ATR: variants seen among roughly 807,000 people sequenced by gnomAD.
The protein encoded by ATR is ATR checkpoint kinase.
A neutral mutation model predicts 305.3 loss-of-function variants in ATR; 142 were observed. The observed-to-expected ratio is 0.47, with a 90% CI of 0.41 to 0.53. The LOEUF (loss-of-function observed/expected upper bound fraction) is 0.53, where lower values mean the gene tolerates loss of function less well. ATR is among the 20% of genes least tolerant of loss of function. ATR has a pLI of 0.00. For synonymous variants in ATR, 1,050 were observed against 1,068.1 expected (o/e 0.98, Z 0.33); for missense variants, 2,135 against 3,133.1 (o/e 0.68, Z 7.60).
intron 8 of ATR, 120 bp from the exon 9 acceptor site, chr3:142,556,695 A>G (rs2034686965): frequency 1.1e-6 from 1 of 943,856 alleles, no homozygotes; most frequent in Non-Finnish European, 1.6e-6. Flanking sequence ...AAAGTCAAGT[A>G]ACACTTAAAA....
intron 16 of ATR, 139 bp from the exon 17 acceptor site, chr3:142,542,896 GT>G: frequency 1.4e-6 from 1 of 722,710 alleles, no homozygotes; most frequent in Non-Finnish European, 2.3e-6. Flanking sequence ...GGTTAATTAA[GT>G]TTCTCCAAAA....
At chr3:142,468,459 CAAT>C (rs1233563289) in intron 38 of ATR, among the ~76,000 whole-genome samples, 18 of 151,754 alleles carry the variant, frequency 1.2e-4, no homozygotes, top group African/African-American at 4.1e-4. Flanking sequence ...AACATGGAAA[CAAT>C]AAAGTGAAAA....
intron 27 of ATR, among the ~76,000 whole-genome samples, chr3:142,511,827 A>C (rs1320418983): frequency 6.6e-6 from 1 of 152,004 alleles, no homozygotes; most frequent in African/African-American, 2.4e-5. Context: ...AAAAATACAC[A>C]AAACAGCTGG....
At chr3:142,555,217 C>T in intron 10 of ATR, among the ~76,000 whole-genome samples, 1 of 147,252 alleles carries the variant, frequency 6.8e-6, no homozygotes, top group Non-Finnish European at 1.5e-5. Flanking sequence ...GCCTGGGCAA[C>T]AAGAGCAAAA....
intron 46 of ATR, chr3:142,450,221 C>A: frequency 1.8e-6 from 1 of 564,938 alleles, no homozygotes; most frequent in Non-Finnish European, 3.2e-6. Context: ...GACTTATGTT[C>A]CAGCAGAACT....
chr3:142,565,986 C>T, intron 3 of ATR, 135 bp downstream of exon 3: 1 of 1,106,694 alleles, frequency 9.0e-7, no homozygotes, highest in South Asian at 1.4e-5. Context: ...ATAACCATTA[C>T]CATTTTGCTC....
intron 30 of ATR, among the ~76,000 whole-genome samples, chr3:142,500,269 G>A (rs1187269742): frequency 6.6e-6 from 1 of 152,084 alleles, no homozygotes; most frequent in African/African-American, 2.4e-5. Flanking sequence ...AACTAGCTAC[G>A]TAAAATATAT....
At chr3:142,499,951 G>T in intron 30 of ATR, 1 of 422,090 alleles carries the variant, frequency 2.4e-6, no homozygotes, top group Non-Finnish European at 4.3e-6. Context: ...CATTTAAAAT[G>T]ACATTCTTCA....
intron 27 of ATR, 54 bp from the exon 28 acceptor site, chr3:142,508,163 G>A: frequency 1.4e-6 from 2 of 1,469,018 alleles, no homozygotes; most frequent in Non-Finnish European, 1.9e-6. Flanking sequence ...AAATTTAAAA[G>A]TGTCAATTTA....
chr3:142,555,839 A>T, intron 10 of ATR, 38 bp downstream of exon 10: 1 of 1,574,556 alleles, frequency 6.4e-7, no homozygotes, highest in Non-Finnish European at 8.6e-7. Flanking sequence ...CAGAGCTTAA[A>T]TAGGTTTTAA....
intron 31 of ATR, 71 bp downstream of exon 31, chr3:142,499,556 A>G: frequency 1.4e-6 from 2 of 1,428,184 alleles, no homozygotes; most frequent in East Asian, 2.3e-5. Flanking sequence ...AGCCGCCCAA[A>G]GTGCTGGGAT....
chr3:142,538,823 A>T (rs2033952424), intron 18 of ATR, among the ~76,000 whole-genome samples, 198 bp from the exon 19 acceptor site: 1 of 152,180 alleles, frequency 6.6e-6, no homozygotes, highest in Non-Finnish European at 1.5e-5. Context: ...AAGCAAGGTG[A>T]AAAACAGTGT....
Position 142,508,706 on chromosome 3 carries a change from A to G in ATR, c.4853-597T>C, listed in dbSNP as rs1379300156. On this transcript the variant is annotated intron_variant, in intron 27 of 46. Transcript: ENST00000350721. ...TGGGAGGCCGAGGCAGGCGGATCACAAGGTTAGGAGATCGAGACCATCCCG... is the reference window on the plus strand; with the variant it reads ...TGGGAGGCCGAGGCAGGCGGATCACGAGGTTAGGAGATCGAGACCATCCCG... 2.6e-5 allele frequency among the ~76,000 whole-genome samples: 4 copies of G among 152,140 alleles called. No homozygotes were observed. The East Asian group carries it at 7.7e-4, about 29-fold the overall frequency.
intron 35 of ATR, among the ~76,000 whole-genome samples, chr3:142,485,589 G>A (rs1243189305): frequency 6.6e-6 from 1 of 152,086 alleles, no homozygotes; most frequent in Non-Finnish European, 1.5e-5. Flanking sequence ...GTAGTGTCTG[G>A]ATGGGTTAAA....
intron 8 of ATR, 103 bp downstream of exon 8, chr3:142,558,521 C>T (rs2034756412): frequency 2.7e-6 from 2 of 748,330 alleles, no homozygotes; most frequent in African/African-American, 2.3e-5. Flanking sequence ...GACTCCGTCT[C>T]AAAAATAAAT....
chr3:142,572,826 T>A (rs2035319515), intron 1 of ATR, among the ~76,000 whole-genome samples: 2 of 152,134 alleles, frequency 1.3e-5, no homozygotes, highest in African/African-American at 4.8e-5. Flanking sequence ...ATAGTAGACA[T>A]TTAAAGAAAA....
chr3:142,546,037 T>C (rs1322496696), intron 16 of ATR, among the ~76,000 whole-genome samples: 1 of 152,234 alleles, frequency 6.6e-6, no homozygotes, highest in Non-Finnish European at 1.5e-5. Flanking sequence ...TGCCGCCTTC[T>C]GCCCTGCTCC....
chr3:142,578,403 G>A (rs1464817625), intron 1 of ATR, among the ~76,000 whole-genome samples: 2 of 152,214 alleles, frequency 1.3e-5, no homozygotes, highest in African/African-American at 2.4e-5. Context: ...GTAAACCAGG[G>A]CCGGCAGACG....
intron 24 of ATR, among the ~76,000 whole-genome samples, chr3:142,517,770 T>C (rs1020057330): frequency 2.0e-5 from 3 of 152,314 alleles, no homozygotes. Context: ...GGCAGAAATG[T>C]TGGCTTCTAC....
Sources: gnomAD v4.1 joint callset for allele counts (sites outside exome capture counted in the v4.1 genomes callset) on GRCh38, gnomAD v4.1.1 for gene constraint, MANE v1.5 for transcripts, NCBI Gene and HGNC (gene_info 2026-07-23, HGNC 2026-07-21) for gene names.